WDR12: variants seen among roughly 807,000 people sequenced by gnomAD.
The protein encoded by WDR12 is ribosome biogenesis protein WDR12.
A neutral mutation model predicts 64.3 loss-of-function variants in WDR12; 42 were observed. The ratio of observed to expected loss-of-function variants is 0.65; its 90% CI spans 0.51 to 0.84. WDR12 has a LOEUF of 0.84. Ranked by LOEUF, WDR12 falls within the 40% of genes least tolerant of loss-of-function variation. WDR12 has a pLI of 0.00. For missense variants in WDR12, 469 were observed against 494.6 expected, an observed-to-expected ratio of 0.95 and a Z score of 0.49; for synonymous variants, 158 against 173.3, an observed-to-expected ratio of 0.91 and a Z score of 0.70.
rs867506623 is a variant in WDR12 at position 202,884,956 on chromosome 2, C to T, written c.742-421G>A. Among the ~76,000 whole-genome samples the T allele has an allele frequency of 2.0e-5, 3 of 152,140 alleles. No individual in the cohort carries two copies. The South Asian group carries it at 6.2e-4, about 32-fold the overall frequency. On this transcript the variant is annotated intron_variant, in intron 8 of 12. Coordinates refer to ENST00000261015, the MANE Select transcript of WDR12 (RefSeq NM_018256.4). Reference sequence around the variant, plus strand: ...TTGGACTGATGGATACAGTTTCTCCCCCCCTCTTTTCTTCTTGCCTGTAGT... The same window carrying T: ...TTGGACTGATGGATACAGTTTCTCCTCCCCTCTTTTCTTCTTGCCTGTAGT...
chr2:202,901,029 G>A lies in WDR12; in HGVS notation c.227C>T (p.Ser76Leu). The A allele has an allele frequency of 1.3e-6, 2 of 1,584,918 alleles. No individual in the cohort carries two copies. The highest frequency in any genetic ancestry group is 1.7e-6 in the Non-Finnish European group (2 of 1,160,436). The change falls in exon 3 of 13, where the codon TCA becomes TTA. Residue 76 changes from serine to leucine, a missense_variant. By Grantham distance (145) the Ser-to-Leu change is moderately radical. Coordinates refer to ENST00000261015, the MANE Select transcript of WDR12 (RefSeq NM_018256.4). ...LDKHMEMENI[S>L]SEEVVEIEYV... Reference sequence around the variant, plus strand: ...AAGATAAGAATTTGAACTTACTGATGAGATGTTCTCCATTTCCATGTGTTT... The same window carrying A: ...AAGATAAGAATTTGAACTTACTGATAAGATGTTCTCCATTTCCATGTGTTT...
At chr2:202,890,043 A>G (rs1263506833) in intron 8 of WDR12, among the ~76,000 whole-genome samples, 3 of 151,914 alleles carry the variant, frequency 2.0e-5, no homozygotes, top group Non-Finnish European at 4.4e-5. Context: ...CCTGGGTGAC[A>G]TGACAAAACC....
At chr2:202,896,366 G>T in intron 5 of WDR12, 147 bp from the exon 6 acceptor site, 2 of 857,182 alleles carry the variant, frequency 2.3e-6, no homozygotes, top group Non-Finnish European at 3.5e-6. Context: ...TTAAAAGGCT[G>T]ATGTGGTATA....
At chr2:202,890,491 C>T (rs557786666) in intron 8 of WDR12, among the ~76,000 whole-genome samples, 3 of 152,152 alleles carry the variant, frequency 2.0e-5, no homozygotes, top group South Asian at 2.1e-4. Context: ...TTGAGCAGGC[C>T]GGGTGTGGTG....
intron 3 of WDR12, 55 bp from the exon 4 acceptor site, chr2:202,899,692 A>C: frequency 6.8e-7 from 1 of 1,473,380 alleles, no homozygotes; most frequent in Non-Finnish European, 9.5e-7. Context: ...AAAATATTAC[A>C]TTATGAAGAT....
chr2:202,904,696 T>C lies in WDR12; in HGVS notation c.136+3169A>G, dbSNP rs1029802018. On this transcript the variant is annotated intron_variant, in intron 2 of 12. Coordinates refer to ENST00000261015, the MANE Select transcript of WDR12 (RefSeq NM_018256.4). ...CAAAAGGGATTAAAGACTTAAATATTTGTAAGACCTCGAACTATGAAACTA... is the reference window on the plus strand; with the variant it reads ...CAAAAGGGATTAAAGACTTAAATATCTGTAAGACCTCGAACTATGAAACTA... 2.6e-5 allele frequency among the ~76,000 whole-genome samples: 4 copies of C among 152,190 alleles called. No individual in the cohort carries two copies. In the South Asian group the frequency reaches 6.2e-4, roughly 24 times the overall value.
chr2:202,887,472 T>C (rs967092371), intron 8 of WDR12, among the ~76,000 whole-genome samples: 8 of 152,232 alleles, frequency 5.3e-5, no homozygotes, highest in African/African-American at 1.7e-4. Flanking sequence ...TGAGGTCTCT[T>C]AGCATTTTCC....
At chr2:202,897,473 G>T in intron 4 of WDR12, 58 bp from the exon 5 acceptor site, 1 of 935,094 alleles carries the variant, frequency 1.1e-6, no homozygotes, top group Non-Finnish European at 1.6e-6. Context: ...ACCCTGAAAT[G>T]TTTCTTTGGC....
intron 7 of WDR12, among the ~76,000 whole-genome samples, chr2:202,893,708 G>C (rs917114882): frequency 1.1e-4 from 16 of 152,024 alleles, no homozygotes; most frequent in Non-Finnish European, 2.2e-4. Context: ...GTAGCTACTA[G>C]GTCTTAAAAT....
chr2:202,906,958 AT>A (rs112645694), intron 2 of WDR12, among the ~76,000 whole-genome samples: 3,651 of 144,956 alleles, frequency 0.025, 42 homozygotes, highest in Non-Finnish European at 0.027. Flanking sequence ...AAACTTCAAC[AT>A]TTTTTTTTTT....
chr2:202,896,633 G>A (rs1241363109), intron 5 of WDR12, among the ~76,000 whole-genome samples: 1 of 152,178 alleles, frequency 6.6e-6, no homozygotes, highest in Non-Finnish European at 1.5e-5. Context: ...GGAAGTTGCA[G>A]TGAGTTGAGA....
At chr2:202,882,109 T>C (rs1163264377) in intron 12 of WDR12, among the ~76,000 whole-genome samples, 2 of 152,020 alleles carry the variant, frequency 1.3e-5, no homozygotes, top group Admixed American at 1.3e-4. Context: ...TTTTTAATTT[T>C]TGTAGAGACA....
chr2:202,902,641 GT>G (rs1262737065), intron 2 of WDR12, among the ~76,000 whole-genome samples: 5 of 152,284 alleles, frequency 3.3e-5, no homozygotes, highest in Non-Finnish European at 4.4e-5. Context: ...TGGACCAGTG[GT>G]TTGCCAGGGA....
At chr2:202,892,499 T>C (rs1421794753) in intron 8 of WDR12, 118 bp downstream of exon 8, 3 of 557,072 alleles carry the variant, frequency 5.4e-6, no homozygotes, top group Non-Finnish European at 9.3e-6. Context: ...AGGATAATCA[T>C]GGTTAAAGCA....
At chr2:202,905,118 A>G (rs977950566) in intron 2 of WDR12, among the ~76,000 whole-genome samples, 1 of 152,228 alleles carries the variant, frequency 6.6e-6, no homozygotes, top group African/African-American at 2.4e-5. Context: ...CTACAATGAG[A>G]TATCATTTCA....
chr2:202,902,687 C>T (rs911080491), intron 2 of WDR12, among the ~76,000 whole-genome samples: 3 of 152,234 alleles, frequency 2.0e-5, no homozygotes, highest in Admixed American at 2.0e-4. Flanking sequence ...GAAGGCTGTA[C>T]TGCCGGCTTC....
intron 2 of WDR12, among the ~76,000 whole-genome samples, chr2:202,905,442 C>G (rs1272497103): frequency 6.6e-6 from 1 of 152,222 alleles, no homozygotes; most frequent in Non-Finnish European, 1.5e-5. Context: ...CACGCCAGGC[C>G]AAAATGGCTT....
At chr2:202,882,296 T>C (rs1355885366) in intron 12 of WDR12, among the ~76,000 whole-genome samples, 1 of 151,826 alleles carries the variant, frequency 6.6e-6, no homozygotes, top group Non-Finnish European at 1.5e-5. Flanking sequence ...TTAAGTGAAA[T>C]AATACAGAAT....
Position 202,904,962 on chromosome 2 carries a change from A to C in WDR12, c.136+2903T>G, listed in dbSNP as rs1020669247. 5.9e-5 allele frequency among the ~76,000 whole-genome samples: 9 copies of C among 152,206 alleles called. No homozygotes were observed. The South Asian group carries it at 6.2e-4, about 10-fold the overall frequency. ...AACCAGAATATATAAGGAGCTCAAA[A>C]AGCTCTGTAGGTAAAAATTTAATAA... On this transcript the variant is annotated intron_variant, in intron 2 of 12. Coordinates refer to ENST00000261015, the MANE Select transcript of WDR12 (RefSeq NM_018256.4).
Sources: gnomAD v4.1 joint callset for allele counts (sites outside exome capture counted in the v4.1 genomes callset) on GRCh38, gnomAD v4.1.1 for gene constraint, MANE v1.5 for transcripts, NCBI Gene and HGNC (gene_info 2026-07-23, HGNC 2026-07-21) for gene names.